CNTNAP5: variants seen among roughly 807,000 people sequenced by gnomAD.
CNTNAP5 encodes contactin-associated protein-like 5.
Under a neutral mutation model 150.2 loss-of-function variants are expected in CNTNAP5, and 72 were observed. The observed-to-expected ratio is 0.48, with a 90% CI of 0.40 to 0.58. The LOEUF (loss-of-function observed/expected upper bound fraction) is 0.58, where lower values mean the gene tolerates loss of function less well. Ranked by LOEUF, CNTNAP5 falls within the 20% of genes least tolerant of loss-of-function variation. The pLI, the probability that CNTNAP5 is intolerant of heterozygous loss-of-function variation, is 0.00. For synonymous variants in CNTNAP5, 672 were observed against 619.8 expected, an observed-to-expected ratio of 1.08 and a Z score of -1.25; for missense variants, 1,636 against 1,626.2, an observed-to-expected ratio of 1.01 and a Z score of -0.10.
intron 3 of CNTNAP5, among the ~76,000 whole-genome samples, chr2:124,402,760 G>A (rs1691461881): frequency 6.6e-6 from 1 of 152,162 alleles, no homozygotes. Context: ...TGATATAATA[G>A]ACCCTGTGCT....
chr2:124,490,357 AAG>A (rs1246440979), intron 7 of CNTNAP5, among the ~76,000 whole-genome samples: 5 of 143,206 alleles, frequency 3.5e-5, no homozygotes, highest in African/African-American at 5.1e-5. Flanking sequence ...AGAAGAAAGA[AAG>A]AGAGAGAGAG....
At chr2:124,784,307 C>A (rs1681518580) in intron 17 of CNTNAP5, among the ~76,000 whole-genome samples, 1 of 152,132 alleles carries the variant, frequency 6.6e-6, no homozygotes, top group Non-Finnish European at 1.5e-5. Context: ...AGAGCAGATA[C>A]ACATGAGAGA....
At chr2:124,781,684 A>T (rs1268342819) in intron 17 of CNTNAP5, among the ~76,000 whole-genome samples, 4 of 152,150 alleles carry the variant, frequency 2.6e-5, no homozygotes, top group Admixed American at 6.5e-5. Context: ...GCCGCCATCT[A>T]CACTGCACTG....
intron 3 of CNTNAP5, among the ~76,000 whole-genome samples, chr2:124,374,261 A>G (rs983729517): frequency 2.6e-5 from 4 of 151,808 alleles, no homozygotes; most frequent in Admixed American, 6.6e-5. Context: ...TAAATAGAAC[A>G]TGTTCTGACA....
At chr2:124,594,706 G>A (rs1197805662) in intron 11 of CNTNAP5, among the ~76,000 whole-genome samples, 1 of 137,706 alleles carries the variant, frequency 7.3e-6, no homozygotes, top group African/African-American at 2.6e-5. Context: ...CAATGGCATT[G>A]AATCTGTAAA....
Position 124,914,240 on chromosome 2 carries a change from T to G in CNTNAP5, c.3876T>G (p.Ile1292Met), listed in dbSNP as rs1033838318. The change falls in exon 24 of 24, where the codon ATT becomes ATG. Residue 1292 changes from isoleucine to methionine, a missense_variant. By Grantham distance (10) the Ile-to-Met change is conservative (BLOSUM62 1). Coordinates refer to ENST00000682447, the MANE Select transcript of CNTNAP5 (RefSeq NM_001367498.1). Reference protein sequence around the residue: ...ENLDSSFRNEIDLQNTVSECK... With the variant: ...ENLDSSFRNEMDLQNTVSECK... ...TGGACAGTTCCTTCAGAAATGAAAT[T>G]GACTTGCAAAACACAGTGAGCGAGT... is the stretch of plus-strand genomic sequence containing the variant. 13 of 1,612,418 alleles carry G rather than the reference T, an allele frequency of 8.1e-6. No individual in the cohort carries two copies. Among genetic ancestry groups the G allele is most frequent in the Admixed American group, 6.7e-5 (4 of 59,840 alleles).
chr2:124,273,211 C>A (rs563689815), intron 3 of CNTNAP5, among the ~76,000 whole-genome samples: 1 of 152,282 alleles, frequency 6.6e-6, no homozygotes, highest in East Asian at 1.9e-4. Flanking sequence ...TGCTAGAATG[C>A]TACCAGACTT....
intron 13 of CNTNAP5, among the ~76,000 whole-genome samples, chr2:124,710,164 C>G (rs1449752699): frequency 6.6e-6 from 1 of 152,128 alleles, no homozygotes; most frequent in East Asian, 1.9e-4. Context: ...CTTACAGGAG[C>G]AGCTGGTTAG....
At chr2:124,622,078 C>T (rs1434537832) in intron 12 of CNTNAP5, among the ~76,000 whole-genome samples, 6 of 152,048 alleles carry the variant, frequency 3.9e-5, no homozygotes, top group Non-Finnish European at 8.8e-5. Context: ...ATATTAAGCC[C>T]AGCATCCATT....
chr2:124,381,112 G>A (rs1690784445), intron 3 of CNTNAP5, among the ~76,000 whole-genome samples: 2 of 152,092 alleles, frequency 1.3e-5, no homozygotes, highest in South Asian at 4.1e-4. Context: ...CTTGACGTGG[G>A]AACTAGCTGG....
chr2:124,064,215 A>G (rs1682094874), intron 1 of CNTNAP5, among the ~76,000 whole-genome samples: 2 of 152,150 alleles, frequency 1.3e-5, no homozygotes, highest in African/African-American at 4.8e-5. Context: ...GATTTCTACC[A>G]CTTAGAGTAG....
At chr2:124,431,812 C>A (rs992463376) in intron 4 of CNTNAP5, among the ~76,000 whole-genome samples, 2 of 151,616 alleles carry the variant, frequency 1.3e-5, no homozygotes, top group African/African-American at 4.8e-5. Context: ...TTGTTATGCA[C>A]CATTTTACAA....
At chr2:124,139,541 TC>T (rs970103146) in intron 1 of CNTNAP5, among the ~76,000 whole-genome samples, 1 of 152,046 alleles carries the variant, frequency 6.6e-6, no homozygotes, top group African/African-American at 2.4e-5. Flanking sequence ...CAAGAGAGTC[TC>T]GGGAAAGAGG....
intron 21 of CNTNAP5, among the ~76,000 whole-genome samples, chr2:124,874,614 G>A (rs62173286): frequency 6.6e-6 from 1 of 151,730 alleles, no homozygotes; most frequent in Non-Finnish European, 1.5e-5. Context: ...ACTATTGTTT[G>A]GTGAAATTAA....
In CNTNAP5 at chr2:124,647,162, A is replaced by G. The variant is rs1019457522; in HGVS notation, c.1877-596A>G. Among the ~76,000 whole-genome samples the G allele has an allele frequency of 1.3e-4, 14 of 106,580 alleles. No homozygotes were observed. In the South Asian group the frequency reaches 3.6e-3, roughly 27 times the overall value. 69.9% of individuals were successfully genotyped at this position (106,580 alleles called of 152,430 possible). On this transcript the variant is annotated intron_variant, in intron 12 of 23. Transcript: ENST00000682447. Reference sequence around the variant, plus strand: ...CATGATTTAAAGGTCCTCATCTTTCATTGTAAATCTTCCCAAATATTTTTG... The same window carrying G: ...CATGATTTAAAGGTCCTCATCTTTCGTTGTAAATCTTCCCAAATATTTTTG...
intron 21 of CNTNAP5, among the ~76,000 whole-genome samples, chr2:124,900,781 A>G (rs1307639885): frequency 6.6e-6 from 1 of 151,480 alleles, no homozygotes; most frequent in African/African-American, 2.5e-5. Flanking sequence ...GAAATCCTAC[A>G]ATGCAAAAAC....
chr2:124,452,389 C>A (rs1191519222), intron 6 of CNTNAP5, among the ~76,000 whole-genome samples: 4 of 152,118 alleles, frequency 2.6e-5, no homozygotes, highest in South Asian at 2.1e-4. Context: ...TGCCACAAGA[C>A]CTGCCCAAGT....
chr2:124,757,504 G>C (rs1365215831), intron 14 of CNTNAP5, among the ~76,000 whole-genome samples: 1 of 152,154 alleles, frequency 6.6e-6, no homozygotes, highest in Non-Finnish European at 1.5e-5. Flanking sequence ...ACCCGTGTTG[G>C]AGCACAGGAG....
intron 13 of CNTNAP5, among the ~76,000 whole-genome samples, chr2:124,674,270 G>T (rs1205644399): frequency 6.6e-6 from 1 of 151,774 alleles, no homozygotes; most frequent in Non-Finnish European, 1.5e-5. Flanking sequence ...GGCTTAGTTT[G>T]CGCTTCTTAC....
Sources: allele counts gnomAD v4.1 joint callset (sites outside exome capture counted in the v4.1 genomes callset), GRCh38; gene constraint gnomAD v4.1.1; transcripts MANE v1.5; gene names NCBI Gene and HGNC (gene_info 2026-07-23, HGNC 2026-07-21).